Variants in ZBED6 observed in about 807,000 individuals in gnomAD.
ZBED6 encodes the protein zinc finger BED domain-containing protein 6.
ZBED6 carries 40 observed loss-of-function variants against 58.4 expected under a neutral mutation model. The observed-to-expected ratio is 0.68, with a 90% confidence interval of 0.53 to 0.89. The LOEUF (loss-of-function observed/expected upper bound fraction) is 0.89. Among genes scored for constraint, ZBED6 ranks in the 40% least tolerant of loss-of-function variants. The pLI is 0.00. For synonymous variants in ZBED6, 439 were observed against 350.6 expected, an observed-to-expected ratio of 1.25 and a Z score of -2.82; for missense variants, 1,057 against 1,003.9, an observed-to-expected ratio of 1.05 and a Z score of -0.71.
At chr1:203,842,619 G>A (rs1266403036) in intron 11 of ZBED6, among the ~76,000 whole-genome samples, 1 of 146,400 alleles carries the variant, frequency 6.8e-6, no homozygotes, top group East Asian at 1.9e-4. Flanking sequence ...GAGGGGGAGG[G>A]GGAATCTTTT....
At chr1:203,834,101 T>C in intron 9 of ZBED6, 1 of 1,166,662 alleles carries the variant, frequency 8.6e-7, no homozygotes, top group Non-Finnish European at 1.1e-6. Flanking sequence ...ATTTTAAAAA[T>C]GGTAAAGAAC....
intron 8 of ZBED6, among the ~76,000 whole-genome samples, 194 bp downstream of exon 8, chr1:203,831,965 C>G (rs1237542648): frequency 6.6e-6 from 1 of 152,138 alleles, no homozygotes; most frequent in Non-Finnish European, 1.5e-5. Context: ...TCAAGCAGCC[C>G]TCACATATAT....
chr1:203,850,163 T>A, intron 14 of ZBED6, 137 bp downstream of exon 14: 1 of 771,842 alleles, frequency 1.3e-6, no homozygotes, highest in Non-Finnish European at 2.1e-6. Flanking sequence ...GTAATATTTC[T>A]GATATTTTTA....
intron 3 of ZBED6, among the ~76,000 whole-genome samples, chr1:203,819,529 A>ATTTTTTTTTTTTTTTTTTTTT (rs755259647): frequency 1.4e-5 from 1 of 72,890 alleles, no homozygotes; most frequent in East Asian, 3.6e-4. Flanking sequence ...GCTGACTCCA[A>ATTTTTTTTTTTTTTTTTTTTT]TTTTTTTTTT....
At chr1:203,841,723 A>G (rs367954822) in intron 11 of ZBED6, among the ~76,000 whole-genome samples, 19,615 of 137,900 alleles carry the variant, frequency 0.14, 1,424 homozygotes, top group Non-Finnish European at 0.16. Flanking sequence ...CTTCCCAGAT[A>G]GGGCGGCCGG....
At chr1:203,852,369 G>T (rs748858362) in exon 17 of ZBED6, 2 of 1,613,768 alleles carry the variant, frequency 1.2e-6, no homozygotes, top group Non-Finnish European at 1.7e-6. Context: ...ATGACCTTCT[G>T]CTTGAGCTAT....
intron 9 of ZBED6, among the ~76,000 whole-genome samples, chr1:203,835,247 A>T (rs1683908443): frequency 6.6e-6 from 1 of 152,222 alleles, no homozygotes; most frequent in South Asian, 2.1e-4. Flanking sequence ...ATCAAAGAAC[A>T]TTATGTAAAT....
At chr1:203,810,136 GTTTTTGT>G (rs1039380438) in intron 1 of ZBED6, among the ~76,000 whole-genome samples, 4 of 150,214 alleles carry the variant, frequency 2.7e-5, no homozygotes, top group Admixed American at 1.3e-4. Context: ...TGTTTTTTTT[GTTTTTGT>G]TTTTTGTTTT....
chr1:203,847,388 G>T, exon 12 of ZBED6: 4 of 1,613,760 alleles, frequency 2.5e-6, no homozygotes, highest in Non-Finnish European at 2.5e-6. Flanking sequence ...AAAAAACATC[G>T]GCAGCAGGAA....
chr1:203,812,477 T>A (rs1674816455), intron 1 of ZBED6, among the ~76,000 whole-genome samples: 1 of 152,190 alleles, frequency 6.6e-6, no homozygotes, highest in African/African-American at 2.4e-5. Context: ...ATTGGATGCA[T>A]ACTATTCCAT....
chr1:203,811,618 T>G (rs1674513406), intron 1 of ZBED6, among the ~76,000 whole-genome samples: 1 of 152,002 alleles, frequency 6.6e-6, no homozygotes, highest in Non-Finnish European at 1.5e-5. Context: ...AAGCGATTCT[T>G]GTACATTAGC....
At chr1:203,811,556 T>C (rs1454609761) in intron 1 of ZBED6, among the ~76,000 whole-genome samples, 1 of 152,190 alleles carries the variant, frequency 6.6e-6, no homozygotes, top group Non-Finnish European at 1.5e-5. Flanking sequence ...TTGCCTAGTC[T>C]GGAGTGCAGT....
chr1:203,801,877 T>TC (rs1173892285), exon 1 of ZBED6: 1 of 148,940 alleles, frequency 6.7e-6, no homozygotes, highest in African/African-American at 2.4e-5. Context: ...AAATCTCAAC[T>TC]CCAAAAGTTT....
chr1:203,806,129 C>T (rs1434618897), intron 1 of ZBED6: 2 of 502,772 alleles, frequency 4.0e-6, no homozygotes, highest in Non-Finnish European at 7.9e-6. Context: ...TTGATCTGGT[C>T]CTTATACTTC....
rs989086525 is a variant in ZBED6, at chr1:203,798,707, GGAGA to G, written c.1190_1193del (p.Arg397LysfsTer13). 6.5e-7 allele frequency: 1 copy of G among 1,536,146 alleles called. No homozygotes were observed. The highest frequency in any genetic ancestry group is 8.7e-7 in the Non-Finnish European group (1 of 1,146,916). ...AGCAAGGCACTCTGATGCGTGCGCA[GGAGA>G]GAGAAACAACATGTTGTGGAAATCC... On this transcript the variant is annotated frameshift_variant, in exon 1 of 17. Transcript: ENST00000550078. LOFTEE classifies it high-confidence loss of function.
exon 1 of ZBED6, chr1:203,802,714 CTTTTTTTTTGT>C (rs1484833942): frequency 7.6e-6 from 1 of 131,660 alleles, no homozygotes; most frequent in Admixed American, 7.9e-5. Context: ...TAAATGAACT[CTTTTTTTTTGT>C]TTTTTTTTTG....
chr1:203,818,524 G>A (rs1285882469), intron 2 of ZBED6, 46 bp from the exon 3 acceptor site: 1 of 1,611,794 alleles, frequency 6.2e-7, no homozygotes, highest in Admixed American at 1.7e-5. Context: ...TTTTACCTAG[G>A]ATGTATTTCA....
At chr1:203,825,945 A>G (rs541190202) in intron 3 of ZBED6, among the ~76,000 whole-genome samples, 5 of 152,344 alleles carry the variant, frequency 3.3e-5, no homozygotes, top group Admixed American at 1.3e-4. Context: ...TAGCAAATGT[A>G]TTAAACAGAT....
At chr1:203,840,353 C>G (rs1685717044) in exon 11 of ZBED6, 1 of 1,613,240 alleles carries the variant, frequency 6.2e-7, no homozygotes, top group Non-Finnish European at 8.5e-7. Context: ...GTCAGCTGAT[C>G]CAGATAATGA....
Sources: gnomAD v4.1 joint callset for allele counts (sites outside exome capture counted in the v4.1 genomes callset) on GRCh38, gnomAD v4.1.1 for gene constraint, MANE v1.5 for transcripts, NCBI Gene and HGNC (gene_info 2026-07-23, HGNC 2026-07-21) for gene names.